CDKL2: variants seen among roughly 807,000 people sequenced by gnomAD.
CDKL2 encodes the protein cyclin dependent kinase like 2, also known as cyclin-dependent kinase-like 2.
A neutral mutation model predicts 63.9 loss-of-function variants in CDKL2; 64 were observed. The observed-to-expected ratio is 1.00, with a 90% CI of 0.82 to 1.23. CDKL2 has a LOEUF of 1.23. Ranked by LOEUF, CDKL2 falls within the 50% of genes most tolerant of loss-of-function variation. The pLI, the probability that CDKL2 is intolerant of heterozygous loss-of-function variation, is 0.00. For synonymous variants in CDKL2, 211 were observed against 229.2 expected, an observed-to-expected ratio of 0.92 and a Z score of 0.72; for missense variants, 656 against 668.0, an observed-to-expected ratio of 0.98 and a Z score of 0.20.
Position 75,581,842 on chromosome 4 carries a change from G to A in CDKL2, c.1704C>T (p.His568=). The A allele has an allele frequency of 6.2e-7, 1 of 1,611,622 alleles. No individual in the cohort carries two copies. Among genetic ancestry groups the A allele is most frequent in the South Asian group, 1.1e-5 (1 of 90,802 alleles). ...DSGADLPQME[H]QH is the part of the protein sequence containing the mutation. ...AGAACCAAAATGGTTCTCAGTGCTG[G>A]TGTTCCATTTGAGGCAAATCAGCCC... is the stretch of plus-strand genomic sequence containing the variant. Residue 568 remains histidine, a synonymous_variant, in exon 13 of 14, where the codon CAC becomes CAT. Coordinates refer to ENST00000307465, the MANE Select transcript of CDKL2 (RefSeq NM_001330724.2).
At chr4:75,624,256 T>TG (rs1178495211) in intron 2 of CDKL2, among the ~76,000 whole-genome samples, 1 of 151,998 alleles carries the variant, frequency 6.6e-6, no homozygotes, top group Non-Finnish European at 1.5e-5. Context: ...AATTAGATCT[T>TG]AAAACAAAAT....
chr4:75,605,972 C>G (rs1486279351), intron 4 of CDKL2, among the ~76,000 whole-genome samples: 1 of 152,134 alleles, frequency 6.6e-6, no homozygotes, highest in East Asian at 1.9e-4. Context: ...AAACTTCAAT[C>G]ATGTGACATA....
chr4:75,621,178 C>T lies in CDKL2; in HGVS notation c.168+4643G>A, dbSNP rs575567062. Reference sequence around the variant, plus strand: ...CTCGAACCCCTGACCTCAAGTGATCCGCCCACCTTGGCCTCCCAAAGTGCT... The same window carrying T: ...CTCGAACCCCTGACCTCAAGTGATCTGCCCACCTTGGCCTCCCAAAGTGCT... On this transcript the variant is annotated intron_variant, in intron 2 of 13. Transcript: ENST00000307465. Among the ~76,000 whole-genome samples the T allele has an allele frequency of 3.9e-3, 590 of 151,842 alleles. 7 individuals carry two copies. The highest frequency in any genetic ancestry group is 0.013 in the African/African-American group (553 of 41,428).
Position 75,614,353 on chromosome 4 carries a change from C to T in CDKL2, c.265G>A (p.Asp89Asn), listed in dbSNP as rs929652133. 6.2e-6 allele frequency: 10 copies of T among 1,611,146 alleles called. No individual in the cohort carries two copies. Among genetic ancestry groups the T allele is most frequent in the Non-Finnish European group, 8.5e-6 (10 of 1,178,476 alleles). ...CCATTTGGAAAGAGCTCCAAGTCAT[C>T]AAGAATTGTGTGGTCAACAAATTCA... The part of the protein sequence containing the change: ...VFEFVDHTIL[D>N]DLELFPNGLD... Residue 89 changes from aspartate (D) to asparagine (N), a missense_variant, in exon 3 of 14, where the codon GAT (aspartate) becomes AAT (asparagine). Asp to Asn is a conservative substitution (Grantham distance 23). Transcript: ENST00000307465.
At chr4:75,581,351 C>T (rs1728252675) in intron 13 of CDKL2, among the ~76,000 whole-genome samples, 1 of 152,148 alleles carries the variant, frequency 6.6e-6, no homozygotes, top group Non-Finnish European at 1.5e-5. Flanking sequence ...TACCATATAG[C>T]CTAGGAGTAT....
At chr4:75,581,681 TTCTC>T (rs1462041398) in intron 13 of CDKL2, 125 bp downstream of exon 13, 1 of 557,806 alleles carries the variant, frequency 1.8e-6, no homozygotes, top group Non-Finnish European at 3.3e-6. Context: ...GCACAACTCT[TTCTC>T]TATCAGAAGT....
chr4:75,600,556 C>T (rs1206564405), intron 6 of CDKL2, among the ~76,000 whole-genome samples, 187 bp from the exon 7 acceptor site: 1 of 151,994 alleles, frequency 6.6e-6, no homozygotes, highest in African/African-American at 2.4e-5. Context: ...CCTCTCTAGG[C>T]TCAGGTGATC....
intron 2 of CDKL2, among the ~76,000 whole-genome samples, chr4:75,615,955 A>G (rs2148903506): frequency 6.6e-6 from 1 of 152,362 alleles, no homozygotes; most frequent in South Asian, 2.1e-4. Context: ...AGCCATGATC[A>G]TGCCACTGCA....
intron 1 of CDKL2, among the ~76,000 whole-genome samples, chr4:75,628,881 C>G (rs1460098939): frequency 2.6e-5 from 4 of 151,784 alleles, no homozygotes; most frequent in Admixed American, 6.6e-5. Flanking sequence ...TGTGGAGAAC[C>G]AGAAGATTGA....
At chr4:75,600,826 A>G (rs761955376) in intron 6 of CDKL2, among the ~76,000 whole-genome samples, 9 of 152,204 alleles carry the variant, frequency 5.9e-5, no homozygotes, top group Non-Finnish European at 1.3e-4. Context: ...AATGACCGTC[A>G]GTGGTTGCTA....
chr4:75,600,252 G>T (rs757857199), intron 7 of CDKL2, 29 bp downstream of exon 7: 7 of 1,428,566 alleles, frequency 4.9e-6, no homozygotes, highest in Non-Finnish European at 6.9e-6. Flanking sequence ...AGGTTGGTAT[G>T]GCCTGAAAAA....
At chr4:75,608,283 C>A (rs543420149) in intron 3 of CDKL2, among the ~76,000 whole-genome samples, 79 of 151,920 alleles carry the variant, frequency 5.2e-4, no homozygotes, top group African/African-American at 1.9e-3. Context: ...TGCCACCATG[C>A]CCAACTAATT....
At chr4:75,611,010 T>C (rs770210838) in intron 3 of CDKL2, among the ~76,000 whole-genome samples, 1 of 152,180 alleles carries the variant, frequency 6.6e-6, no homozygotes, top group African/African-American at 2.4e-5. Context: ...ATTCTAAATG[T>C]TTTTCATGTT....
chr4:75,603,728 AG>A, intron 6 of CDKL2, 88 bp downstream of exon 6: 112 of 767,668 alleles, frequency 1.5e-4, no homozygotes, highest in Middle Eastern at 4.3e-4. Context: ...AAAAAAAAAA[AG>A]ATCAACTAGA....
chr4:75,603,958 TG>T lies in CDKL2; in HGVS notation c.656-3del, dbSNP rs1434183457. ...CCTGATGCCTTGGAATTAGATTACC[TG>T]GAAGTGAAAACAGCACATATCTCTG... is the stretch of plus-strand genomic sequence containing the variant. On this transcript the variant is annotated splice_region_variant and splice_polypyrimidine_tract_variant and intron_variant, in intron 5 of 13. Coordinates refer to ENST00000307465, the MANE Select transcript of CDKL2 (RefSeq NM_001330724.2). 13 of 1,603,750 alleles carry T rather than the reference TG, an allele frequency of 8.1e-6. No homozygotes were observed. The highest frequency in any genetic ancestry group is 1.0e-5 in the Non-Finnish European group (12 of 1,177,050).
At position 75,592,191 on chromosome 4, in the gene CDKL2, G is replaced by T. The variant is rs772404590; in HGVS notation, c.1495C>A (p.Leu499Ile). The T allele has an allele frequency of 2.0e-6, 3 of 1,535,306 alleles. No homozygotes were observed. In the South Asian group the frequency reaches 3.6e-5, roughly 18 times the overall value. Residue 499 changes from leucine (L) to isoleucine (I), a missense_variant, in exon 11 of 14, where the codon CTA becomes ATA. Transcript: ENST00000307465. ...YSRTDVRLPE[L>I]NYNHLPELRA... ...AGTTCAGGGAGATGATTATAGTTTA[G>T]TTCAGGCAAACGGACATCTGTCCTG...
At chr4:75,581,990 T>A (rs1728284658) in intron 12 of CDKL2, 92 bp from the exon 13 acceptor site, 6 of 794,696 alleles carry the variant, frequency 7.6e-6, no homozygotes, top group Non-Finnish European at 8.6e-6. Context: ...AAATATTAGA[T>A]GTTTATAATT....
At chr4:75,629,094 AAT>A (rs1439061371) in intron 1 of CDKL2, among the ~76,000 whole-genome samples, 1 of 152,150 alleles carries the variant, frequency 6.6e-6, no homozygotes, top group Non-Finnish European at 1.5e-5. Context: ...TGAAAAAAAA[AAT>A]CTCCATATAA....
chr4:75,592,897 T>G (rs1253413939), intron 10 of CDKL2, among the ~76,000 whole-genome samples: 1 of 152,208 alleles, frequency 6.6e-6, no homozygotes, highest in Non-Finnish European at 1.5e-5. Flanking sequence ...GAAAAAATAG[T>G]GAGGAATAGC....
Sources: allele counts gnomAD v4.1 joint callset (sites outside exome capture counted in the v4.1 genomes callset), GRCh38; gene constraint gnomAD v4.1.1; transcripts MANE v1.5; gene names NCBI Gene and HGNC (gene_info 2026-07-23, HGNC 2026-07-21).